The following RTL4 variants were observed in gnomAD, a reference collection of about 807,000 sequenced individuals.
RTL4 encodes the protein retrotransposon Gag like 4, also known as retrotransposon Gag-like protein 4.
In RTL4, 4 loss-of-function variants were observed where a neutral mutation model predicts 5.3. The observed-to-expected ratio is 0.75, with a 90% CI of 0.37 to 1.72. The LOEUF is 1.72. Ranked by LOEUF, RTL4 falls within the 40% of genes most tolerant of loss-of-function variation. The pLI, the probability that RTL4 is intolerant of heterozygous loss-of-function variation, is 0.04. For synonymous variants in RTL4, 98 were observed against 87.3 expected (o/e 1.12, Z -0.68); for missense variants, 260 against 227.1 (o/e 1.14, Z -0.93).
chrX:112,371,933 A>G, the RTL4 span, among the ~76,000 whole-genome samples: 4 of 112,199 alleles, frequency 3.6e-5, no homozygotes, highest in African/African-American at 1.3e-4. Context: ...TAAGCAAGTT[A>G]CATATATAAC....
chrX:112,340,243 C>T, the RTL4 span, among the ~76,000 whole-genome samples: 1 of 111,823 alleles, frequency 8.9e-6, no homozygotes, highest in East Asian at 2.8e-4. Context: ...ATCCAAATTG[C>T]CCCTTTGCTT....
chrX:112,276,018 C>T, the RTL4 span, among the ~76,000 whole-genome samples: 2 of 111,736 alleles, frequency 1.8e-5, no homozygotes, highest in South Asian at 3.7e-4. Context: ...GGTTTCCAAG[C>T]CTGACTAGCC....
the RTL4 span, among the ~76,000 whole-genome samples, chrX:112,167,436 A>C: frequency 1.8e-5 from 2 of 111,616 alleles, no homozygotes; most frequent in Non-Finnish European, 3.8e-5. Flanking sequence ...CTCTAGAGGC[A>C]CAGGAAGCTA....
chrX:112,219,060 T>C, the RTL4 span, among the ~76,000 whole-genome samples: 2 of 111,902 alleles, frequency 1.8e-5, no homozygotes, highest in Non-Finnish European at 3.8e-5. Flanking sequence ...GGACTTGACT[T>C]AGGCCTCTTA....
the RTL4 span, among the ~76,000 whole-genome samples, chrX:112,249,137 T>C: frequency 8.9e-6 from 1 of 112,274 alleles, no homozygotes; most frequent in Non-Finnish European, 1.9e-5. Flanking sequence ...GATTAGTTAG[T>C]GGATTAAGGA....
the RTL4 span, among the ~76,000 whole-genome samples, chrX:112,243,734 G>T: frequency 9.0e-6 from 1 of 111,260 alleles, no homozygotes; most frequent in South Asian, 3.8e-4. Context: ...CTTGCCTTCT[G>T]CTAGCTTTTG....
the RTL4 span, among the ~76,000 whole-genome samples, chrX:112,311,479 C>T: frequency 1.8e-5 from 2 of 110,561 alleles, no homozygotes; most frequent in Non-Finnish European, 3.8e-5. Flanking sequence ...AATTCTGATG[C>T]AGTAACCTCG....
chrX:112,149,939 A>G, the RTL4 span, among the ~76,000 whole-genome samples: 5 of 111,947 alleles, frequency 4.5e-5, no homozygotes, highest in African/African-American at 1.6e-4. Flanking sequence ...AGAAGGTGAT[A>G]TTTAAGTAGA....
At chrX:112,226,443 A>AAATAATGT in the RTL4 span, among the ~76,000 whole-genome samples, 46 of 111,994 alleles carry the variant, frequency 4.1e-4, no homozygotes, top group African/African-American at 1.5e-3. Flanking sequence ...CCTTAAGCAG[A>AAATAATGT]TTTACTCTTC....
the RTL4 span, among the ~76,000 whole-genome samples, chrX:112,126,855 C>A: frequency 9.0e-6 from 1 of 111,304 alleles, no homozygotes; most frequent in Non-Finnish European, 1.9e-5. Context: ...AATTCTGACT[C>A]AAAAAGAAAT....
the RTL4 span, among the ~76,000 whole-genome samples, chrX:112,130,948 C>T: frequency 9.2e-4 from 94 of 102,169 alleles, no homozygotes; most frequent in South Asian, 0.036. Flanking sequence ...CTCCCGCCAC[C>T]ATGCCCGGCT....
the RTL4 span, among the ~76,000 whole-genome samples, chrX:112,334,734 T>C: frequency 1.1e-4 from 12 of 112,127 alleles, no homozygotes; most frequent in Non-Finnish European, 1.9e-4. Flanking sequence ...TGATATTTGT[T>C]TTCTCATGTC....
At chrX:112,141,689 T>A in the RTL4 span, among the ~76,000 whole-genome samples, 3 of 111,333 alleles carry the variant, frequency 2.7e-5, no homozygotes, top group Admixed American at 9.6e-5. Flanking sequence ...AGATATCTCG[T>A]ATATCAAGTA....
At chrX:112,355,480 A>T in the RTL4 span, among the ~76,000 whole-genome samples, 1 of 111,139 alleles carries the variant, frequency 9.0e-6, no homozygotes, top group South Asian at 3.8e-4. Context: ...AGAAAAGGAG[A>T]GGATAGAAGG....
chrX:112,296,908 C>T, the RTL4 span, among the ~76,000 whole-genome samples: 11 of 110,143 alleles, frequency 1.0e-4, no homozygotes, highest in East Asian at 2.3e-3. Flanking sequence ...TGAGCCACCG[C>T]GCCTGGCTGA....
chrX:112,090,611 G>A, the RTL4 span, among the ~76,000 whole-genome samples: 1 of 110,942 alleles, frequency 9.0e-6, no homozygotes, highest in Non-Finnish European at 1.9e-5. Flanking sequence ...CTTAGTCATG[G>A]TGTATAATCT....
the RTL4 span, among the ~76,000 whole-genome samples, chrX:112,117,050 T>C: frequency 9.0e-6 from 1 of 111,606 alleles, no homozygotes; most frequent in Non-Finnish European, 1.9e-5. Flanking sequence ...TCAGGATGGA[T>C]AACTGTATCA....
the RTL4 span, among the ~76,000 whole-genome samples, chrX:112,415,018 G>A: frequency 9.0e-6 from 1 of 110,844 alleles, no homozygotes; most frequent in African/African-American, 3.3e-5. Context: ...TTTTCCCTTA[G>A]GTCATAGTTT....
chrX:112,454,903 G>A, exon 1 of RTL4: 3 of 1,210,433 alleles, frequency 2.5e-6, no homozygotes, highest in Non-Finnish European at 2.2e-6. Flanking sequence ...ATACTCACTT[G>A]AGCATCTCAC....
Sources: allele counts gnomAD v4.1 joint callset (sites outside exome capture counted in the v4.1 genomes callset), GRCh38; gene constraint gnomAD v4.1.1; transcripts MANE v1.5; gene names NCBI Gene and HGNC (gene_info 2026-07-23, HGNC 2026-07-21).